Variants in NUP133 observed in about 807,000 individuals in gnomAD.
NUP133 encodes nucleoporin 133, also known as nuclear pore complex protein Nup133.
A neutral mutation model predicts 146.2 loss-of-function variants in NUP133; 66 were observed. The observed-to-expected ratio is 0.45, with a 90% CI of 0.37 to 0.55. The LOEUF (loss-of-function observed/expected upper bound fraction) is 0.55. NUP133 is among the 20% of genes least tolerant of loss of function. The pLI is 0.00. For synonymous variants in NUP133, 521 were observed against 498.8 expected, an observed-to-expected ratio of 1.04 and a Z score of -0.59; for missense variants, 1,277 against 1,374.8, an observed-to-expected ratio of 0.93 and a Z score of 1.12.
rs1660174219 is a variant in NUP133, at chr1:229,441,153, C to T, written c.*751G>A. The T allele has an allele frequency of 3.1e-6, 1 of 319,304 alleles. No individual in the cohort carries two copies. The highest frequency in any genetic ancestry group is 2.8e-5 in the South Asian group (1 of 36,114). 19.8% of individuals were successfully genotyped at this position (319,304 alleles called of 1,614,324 possible). A position where few individuals can be genotyped will look rare whatever the true frequency, so the allele number is the denominator to read the frequency against. ...TAGTATCATTCATGCTTTTGACTAG[C>T]TAGGCAGACTGTGGTAAAGATTCAT... On this transcript the variant is annotated 3_prime_UTR_variant, in exon 26 of 26. Transcript: ENST00000261396.
chr1:229,499,734 A>AAGC lies in NUP133; in HGVS notation c.595_597dup (p.Ala199dup). ...GTCTTATCACCTCCCGAATCTACAA[A>AAGC]AGCCTCTGTGTAGGTATCTTCACCA... On this transcript the variant is annotated inframe_insertion, in exon 5 of 26. Transcript: ENST00000261396. The AAGC allele has an allele frequency of 6.2e-7, 1 of 1,614,082 alleles. No homozygotes were observed. Among genetic ancestry groups the AAGC allele is most frequent in the Middle Eastern group, 1.6e-4 (1 of 6,062 alleles).
At chr1:229,486,252 T>C in intron 11 of NUP133, 119 bp downstream of exon 11, 1 of 845,154 alleles carries the variant, frequency 1.2e-6, no homozygotes, top group Non-Finnish European at 1.7e-6. Flanking sequence ...AGGCCAGGAG[T>C]TTGGGGCTGC....
intron 4 of NUP133, 79 bp downstream of exon 4, chr1:229,500,671 CTCAAAA>C: frequency 2.6e-6 from 2 of 766,112 alleles, no homozygotes; most frequent in Non-Finnish European, 4.2e-6. Flanking sequence ...ATAGTTATAT[CTCAAAA>C]TCAAAGAGGA....
intron 21 of NUP133, among the ~76,000 whole-genome samples, chr1:229,453,829 C>G (rs1470606128): frequency 6.6e-6 from 1 of 152,118 alleles, no homozygotes; most frequent in Non-Finnish European, 1.5e-5. Context: ...TAAATTTTAA[C>G]TTTTTATAAC....
chr1:229,489,186 C>T (rs1487000546), intron 9 of NUP133, among the ~76,000 whole-genome samples: 1 of 151,836 alleles, frequency 6.6e-6, no homozygotes, highest in Non-Finnish European at 1.5e-5. Context: ...ATTATGTTGC[C>T]TAAGCTGGAA....
At chr1:229,473,628 G>A (rs893932935) in intron 14 of NUP133, among the ~76,000 whole-genome samples, 4 of 152,072 alleles carry the variant, frequency 2.6e-5, no homozygotes, top group Non-Finnish European at 5.9e-5. Context: ...TCTTCCCATC[G>A]AGAGGTACAA....
intron 4 of NUP133, 122 bp from the exon 5 acceptor site, chr1:229,499,940 TAAG>T: frequency 8.5e-7 from 1 of 1,181,710 alleles, no homozygotes; most frequent in Non-Finnish European, 1.2e-6. Context: ...AAATCAGAAA[TAAG>T]AACTCACCAG....
chr1:229,470,537 T>C (rs776638658), intron 15 of NUP133, 43 bp downstream of exon 15: 3 of 1,495,090 alleles, frequency 2.0e-6, no homozygotes, highest in Non-Finnish European at 2.8e-6. Flanking sequence ...GATCACTAAA[T>C]GGCACAGTTC....
In NUP133 at chr1:229,486,547, G is replaced by C. The variant is rs780610655; in HGVS notation, c.1343-19C>G. ...CTATCTCCTAAAAGAAAGGAAAACA[G>C]AGTCAAATACATCTAACAATAACAA... On this transcript the variant is annotated intron_variant, in intron 10 of 25. Transcript: ENST00000261396. 3 of 1,595,404 alleles carry C rather than the reference G, an allele frequency of 1.9e-6. No homozygotes were observed. The highest frequency in any genetic ancestry group is 1.8e-5 in the Admixed American group (1 of 54,950).
At chr1:229,507,525 T>C (rs1318343818) in intron 1 of NUP133, among the ~76,000 whole-genome samples, 2 of 109,376 alleles carry the variant, frequency 1.8e-5, no homozygotes, top group African/African-American at 5.3e-5. Context: ...AGCTCACTTA[T>C]GTAAAGCCTT....
intron 21 of NUP133, among the ~76,000 whole-genome samples, chr1:229,456,623 C>T (rs1379781966): frequency 2.6e-5 from 4 of 151,966 alleles, no homozygotes; most frequent in Non-Finnish European, 2.9e-5. Context: ...TACTGGAAAA[C>T]GGTAGTCAGA....
intron 14 of NUP133, among the ~76,000 whole-genome samples, chr1:229,474,152 G>C (rs1308828308): frequency 6.6e-6 from 1 of 152,166 alleles, no homozygotes; most frequent in Admixed American, 6.6e-5. Context: ...AGCCTCTGTT[G>C]ACAGTTGGAA....
intron 20 of NUP133, among the ~76,000 whole-genome samples, chr1:229,459,015 T>C (rs1283859913): frequency 4.6e-5 from 7 of 152,232 alleles, no homozygotes; most frequent in African/African-American, 1.7e-4. Flanking sequence ...AAAAAATTAT[T>C]GTATACTAAT....
chr1:229,506,142 T>C lies in NUP133; in HGVS notation c.199A>G (p.Met67Val), dbSNP rs775086082. 3 of 1,606,264 alleles carry C rather than the reference T, an allele frequency of 1.9e-6. No homozygotes were observed. Among genetic ancestry groups the C allele is most frequent in the Non-Finnish European group, 1.7e-6 (2 of 1,173,554 alleles). ...TCAGTTATGGAGTGGTGTGGGAACA[T>C]TCGTGTTGGTGTTCCCCTAAAGAAA... is the stretch of plus-strand genomic sequence containing the variant. Reference protein sequence around the residue: ...SLSSRGTPTRMFPHHSITESV... With the variant: ...SLSSRGTPTRVFPHHSITESV... Residue 67 changes from methionine to valine, a missense_variant, in exon 2 of 26, where the codon ATG becomes GTG. Around this residue, in one of 3 missense-constraint regions of NUP133, gnomAD observed 319 missense variants for 306.9 expected, o/e 1.04. Coordinates refer to ENST00000261396, the MANE Select transcript of NUP133 (RefSeq NM_018230.3).
Position 229,452,551 on chromosome 1 carries a change from C to A in NUP133, c.3073G>T (p.Val1025Leu), listed in dbSNP as rs1245765222. 1.2e-6 allele frequency: 2 copies of A among 1,613,858 alleles called. No individual in the cohort carries two copies. The highest frequency in any genetic ancestry group is 1.6e-4 in the Middle Eastern group (1 of 6,062). The change falls in exon 22 of 26, where the codon GTA (valine) becomes TTA (leucine). Residue 1025 changes from valine to leucine, a missense_variant. Val to Leu is a conservative substitution (Grantham distance 32). This residue lies in a region of NUP133 where 952 missense variants were observed against 1,047.0 expected (regional missense o/e 0.91). Coordinates refer to ENST00000261396, the MANE Select transcript of NUP133 (RefSeq NM_018230.3). Reference protein sequence around the residue: ...EKQLNLSAMPVLTAPQLIGLY... With the variant: ...EKQLNLSAMPLLTAPQLIGLY... ...CCAATGAGTTGTGGTGCAGTCAATACTGGCATCGCACTGAGATTTAGCTGT... is the reference window on the plus strand; with the variant it reads ...CCAATGAGTTGTGGTGCAGTCAATAATGGCATCGCACTGAGATTTAGCTGT...
chr1:229,465,976 G>A (rs1207382481), intron 16 of NUP133, among the ~76,000 whole-genome samples: 1 of 151,524 alleles, frequency 6.6e-6, no homozygotes, highest in Non-Finnish European at 1.5e-5. Context: ...GGTTCTTTCT[G>A]CTTTTGAAAT....
At chr1:229,486,797 AAAAAG>A (rs1267852442) in intron 10 of NUP133, among the ~76,000 whole-genome samples, 1 of 152,134 alleles carries the variant, frequency 6.6e-6, no homozygotes, top group Non-Finnish European at 1.5e-5. Context: ...TAGTAAGCCA[AAAAAG>A]AAAATTATTC....
chr1:229,497,757 A>G (rs957332329), intron 6 of NUP133, among the ~76,000 whole-genome samples: 1 of 152,232 alleles, frequency 6.6e-6, no homozygotes, highest in Non-Finnish European at 1.5e-5. Context: ...TATGGTGCAG[A>G]GAAGTCCAGC....
Position 229,477,745 on chromosome 1 carries a change from A to G in NUP133, c.1608T>C (p.His536=). The G allele has an allele frequency of 6.2e-7, 1 of 1,612,452 alleles. No homozygotes were observed. The highest frequency in any genetic ancestry group is 8.5e-7 in the Non-Finnish European group (1 of 1,179,014). ...FLQYCRKDLG[H]AQMVVDELFS... is the part of the protein sequence containing the mutation. ...AGAGCTCATCAACCACCATTTGAGC[A>G]TGACCTAAATCTTTTCTGAAATAAA... is the stretch of plus-strand genomic sequence containing the variant. Residue 536 remains histidine (H), a synonymous_variant, in exon 13 of 26, where the codon CAT becomes CAC. Transcript: ENST00000261396.
Sources: allele counts gnomAD v4.1 joint callset (sites outside exome capture counted in the v4.1 genomes callset), GRCh38; gene constraint gnomAD v4.1.1; regional missense constraint gnomAD v4.1.1; transcripts MANE v1.5; gene names NCBI Gene and HGNC (gene_info 2026-07-23, HGNC 2026-07-21).